The following PPFIBP2 variants were observed in gnomAD, a reference collection of about 807,000 sequenced individuals.
The protein encoded by PPFIBP2 is liprin-beta-2.
A neutral mutation model predicts 118.3 loss-of-function variants in PPFIBP2; 118 were observed. The observed-to-expected ratio is 1.00, with a 90% confidence interval of 0.86 to 1.16. The LOEUF (loss-of-function observed/expected upper bound fraction) is 1.16, where lower values mean the gene tolerates loss of function less well. PPFIBP2 is among the 50% of genes most tolerant of loss of function. The pLI is 0.00. For missense variants in PPFIBP2, 1,195 were observed against 1,073.1 expected (o/e 1.11, Z -1.59); for synonymous variants, 414 against 397.4 (o/e 1.04, Z -0.50).
At chr11:7,652,052 G>C (rs1854108905) in intron 23 of PPFIBP2, among the ~76,000 whole-genome samples, 2 of 152,268 alleles carry the variant, frequency 1.3e-5, no homozygotes, top group African/African-American at 4.8e-5. Flanking sequence ...AGACAGTGCA[G>C]GTTTCTTTAC....
chr11:7,665,940 C>T, the PPFIBP2 span: 1 of 1,535,380 alleles, frequency 6.5e-7, no homozygotes, highest in African/African-American at 1.4e-5. Context: ...GACCAGGGAC[C>T]TGTATGACAA....
chr11:7,612,257 C>A (rs538690038), intron 6 of PPFIBP2, among the ~76,000 whole-genome samples: 1 of 152,152 alleles, frequency 6.6e-6, no homozygotes, highest in Non-Finnish European at 1.5e-5. Context: ...TCAGTAGCTC[C>A]GGAATGATAT....
chr11:7,602,035 G>A (rs11041475), intron 5 of PPFIBP2, among the ~76,000 whole-genome samples: 15,836 of 144,220 alleles, frequency 0.11, 914 homozygotes, highest in African/African-American at 0.14. Flanking sequence ...GGAGGTTGCA[G>A]TGAGCCAAGA....
chr11:7,545,918 G>C (rs1852280245), intron 1 of PPFIBP2, among the ~76,000 whole-genome samples: 1 of 152,152 alleles, frequency 6.6e-6, no homozygotes, highest in South Asian at 2.1e-4. Flanking sequence ...GAGTGGGGCT[G>C]AAGCTTGAGT....
intron 1 of PPFIBP2, among the ~76,000 whole-genome samples, chr11:7,531,152 G>C (rs916502223): frequency 2.6e-5 from 4 of 152,148 alleles, no homozygotes; most frequent in Non-Finnish European, 5.9e-5. Context: ...TTGTGCAAGT[G>C]GGGGATTCCT....
At chr11:7,648,701 C>A in intron 18 of PPFIBP2, 99 bp from the exon 19 acceptor site, 1 of 1,426,512 alleles carries the variant, frequency 7.0e-7, no homozygotes, top group Non-Finnish European at 9.8e-7. Flanking sequence ...TGTGGAGATA[C>A]ACTGCCATAC....
chr11:7,572,325 G>A (rs991472396), intron 3 of PPFIBP2, among the ~76,000 whole-genome samples: 1 of 152,132 alleles, frequency 6.6e-6, no homozygotes, highest in Non-Finnish European at 1.5e-5. Flanking sequence ...GCCAAGACTG[G>A]GGGCCTTCAG....
intron 6 of PPFIBP2, 80 bp from the exon 7 acceptor site, chr11:7,620,855 T>G: frequency 1.0e-6 from 1 of 972,380 alleles, no homozygotes; most frequent in Non-Finnish European, 1.7e-6. Flanking sequence ...GCACCCCATA[T>G]GCATGAGCTT....
At chr11:7,548,113 T>C (rs549179989) in intron 1 of PPFIBP2, among the ~76,000 whole-genome samples, 2 of 152,248 alleles carry the variant, frequency 1.3e-5, no homozygotes, top group South Asian at 2.1e-4. Context: ...TTAGATGCTG[T>C]TATCCCCATT....
chr11:7,648,645 G>A, intron 18 of PPFIBP2, 108 bp downstream of exon 18: 1 of 1,512,908 alleles, frequency 6.6e-7, no homozygotes, highest in South Asian at 1.2e-5. Context: ...GGATGGAGGA[G>A]GCTGAGAGTT....
intron 1 of PPFIBP2, among the ~76,000 whole-genome samples, chr11:7,514,352 G>A (rs1294103776): frequency 6.6e-6 from 1 of 152,234 alleles, no homozygotes; most frequent in Non-Finnish European, 1.5e-5. Flanking sequence ...GGTTGGCTGC[G>A]AATCTCCACC....
At chr11:7,540,342 G>A (rs1479699249) in intron 1 of PPFIBP2, among the ~76,000 whole-genome samples, 1 of 152,150 alleles carries the variant, frequency 6.6e-6, no homozygotes, top group Non-Finnish European at 1.5e-5. Context: ...GTGAAGATGA[G>A]GGGACAGATC....
chr11:7,565,801 G>A (rs775046879), intron 3 of PPFIBP2, 34 bp downstream of exon 3: 6 of 1,606,854 alleles, frequency 3.7e-6, no homozygotes, highest in Non-Finnish European at 5.1e-6. Context: ...GGGAACCACT[G>A]GGGAATGTAA....
At chr11:7,610,988 A>G (rs1162534048) in intron 6 of PPFIBP2, among the ~76,000 whole-genome samples, 1 of 152,178 alleles carries the variant, frequency 6.6e-6, no homozygotes, top group Non-Finnish European at 1.5e-5. Flanking sequence ...ACTCTTTTTT[A>G]AATAAATGTT....
chr11:7,622,395 G>A (rs374330589), intron 7 of PPFIBP2, among the ~76,000 whole-genome samples: 1 of 152,162 alleles, frequency 6.6e-6, no homozygotes, highest in Non-Finnish European at 1.5e-5. Flanking sequence ...ATGAGATTTG[G>A]CAGGAACAAA....
intron 17 of PPFIBP2, among the ~76,000 whole-genome samples, chr11:7,643,818 A>AT (rs995837585): frequency 6.6e-5 from 10 of 151,684 alleles, no homozygotes; most frequent in African/African-American, 1.9e-4. Context: ...AAAACAATTG[A>AT]TTTTTTTTTA....
chr11:7,520,514 T>C (rs1427181254), intron 1 of PPFIBP2, among the ~76,000 whole-genome samples: 15 of 152,110 alleles, frequency 9.9e-5, no homozygotes, highest in Non-Finnish European at 1.8e-4. Flanking sequence ...AGATTTTTTT[T>C]TTTTTTTTCC....
intron 18 of PPFIBP2, 38 bp from the exon 19 acceptor site, chr11:7,648,762 C>T (rs1225816870): frequency 1.3e-6 from 2 of 1,596,542 alleles, no homozygotes; most frequent in Non-Finnish European, 1.7e-6. Flanking sequence ...AAATTGCCTG[C>T]CAAAATTTCA....
rs1360487087 is a variant in PPFIBP2 at position 7,653,577 on chromosome 11, C to A, written c.*359C>A. On this transcript the variant is annotated 3_prime_UTR_variant, in exon 24 of 24. Transcript: ENST00000299492. ...TCCCACGAGGCTCAGCTCTCAGGCA[C>A]CCCCTACACTTCAGTTGAGGGAAAA... 18 of 1,306,518 alleles carry A rather than the reference C, an allele frequency of 1.4e-5. No individual in the cohort carries two copies. Among genetic ancestry groups the A allele is most frequent in the Middle Eastern group, 4.2e-4 (2 of 4,794 alleles). The allele number at this position is 1,306,518 out of a possible 1,614,324, so 80.9% of individuals were successfully genotyped here.
Sources: allele counts gnomAD v4.1 joint callset (sites outside exome capture counted in the v4.1 genomes callset), GRCh38; gene constraint gnomAD v4.1.1; transcripts MANE v1.5; gene names NCBI Gene and HGNC (gene_info 2026-07-23, HGNC 2026-07-21).